OSBP2: variants seen among roughly 807,000 people sequenced by gnomAD.
OSBP2 encodes oxysterol-binding protein 2.
In OSBP2, 66 loss-of-function variants were observed where a neutral mutation model predicts 96.0. The ratio of observed to expected loss-of-function variants is 0.69; its 90% confidence interval spans 0.56 to 0.84. The LOEUF (loss-of-function observed/expected upper bound fraction) is 0.84, where lower values mean the gene tolerates loss of function less well. Among genes scored for constraint, OSBP2 ranks in the 40% least tolerant of loss-of-function variants. The probability of loss-of-function intolerance (pLI) is 0.00; values close to 1 mark genes in which losing one functional copy is unlikely to be tolerated. For synonymous variants in OSBP2, 525 were observed against 520.9 expected (o/e 1.01, Z -0.11); for missense variants, 1,038 against 1,222.7 (o/e 0.85, Z 2.25).
rs2039923562 is a variant in OSBP2, at chr22:30,890,558, G to A, written c.1624-170G>A. On this transcript the variant is annotated intron_variant, in intron 7 of 13. Transcript: ENST00000332585. This position sits in a 1 kb window ranked among gnomAD's most constrained non-coding sequence, Gnocchi z 4.4. ...GCTGTGGAGAAAACAGCCAGGAGGGGCCAGGGAGGTGATGGCTTGGGGGCC... is the reference window on the plus strand; with the variant it reads ...GCTGTGGAGAAAACAGCCAGGAGGGACCAGGGAGGTGATGGCTTGGGGGCC... 6.6e-6 allele frequency among the ~76,000 whole-genome samples: 1 copy of A among 152,204 alleles called. No individual in the cohort carries two copies. Among genetic ancestry groups the A allele is most frequent in the Non-Finnish European group, 1.5e-5 (1 of 68,038 alleles).
At chr22:30,807,705 C>T (rs1430024524) in intron 2 of OSBP2, among the ~76,000 whole-genome samples, 3 of 152,206 alleles carry the variant, frequency 2.0e-5, no homozygotes, top group East Asian at 3.9e-4. Context: ...ACCTTCCTTC[C>T]TCCCCTGAGC....
At chr22:30,712,114 CAG>C (rs1299491924) in intron 1 of OSBP2, among the ~76,000 whole-genome samples, 1 of 152,156 alleles carries the variant, frequency 6.6e-6, no homozygotes, top group Non-Finnish European at 1.5e-5. Flanking sequence ...TTGAGAAAGA[CAG>C]AGCGTGTCAG....
chr22:30,872,007 C>G (rs1360755646), intron 3 of OSBP2, among the ~76,000 whole-genome samples: 1 of 152,246 alleles, frequency 6.6e-6, no homozygotes, highest in African/African-American at 2.4e-5. Flanking sequence ...CTGGGAAACT[C>G]AGCCTGCAGG....
At chr22:30,732,452 C>T (rs1001632954) in intron 1 of OSBP2, among the ~76,000 whole-genome samples, 2 of 151,854 alleles carry the variant, frequency 1.3e-5, no homozygotes, top group African/African-American at 4.8e-5. Context: ...TAGAGTCACT[C>T]CCCTGGCAGT....
chr22:30,813,131 TA>T lies in OSBP2; in HGVS notation c.854-57297del, dbSNP rs1290113718. Among the ~76,000 whole-genome samples, 19 of 151,460 alleles carry T rather than the reference TA, an allele frequency of 1.3e-4. No homozygotes were observed. The East Asian group carries it at 3.5e-3, about 28-fold the overall frequency. On this transcript the variant is annotated intron_variant, in intron 2 of 13. Transcript: ENST00000332585. ...CCATCAGAGGCTTGTTTTTTAGTAG[TA>T]GGGGGAAAATGGAGCCTGGAGGCTT...
At chr22:30,758,793 G>A (rs888201632) in intron 2 of OSBP2, among the ~76,000 whole-genome samples, 3 of 152,078 alleles carry the variant, frequency 2.0e-5, no homozygotes, top group East Asian at 1.9e-4. Flanking sequence ...CTTAGCCCCC[G>A]ATATAGGTGT....
chr22:30,755,946 GTCGGCATGCTCTTGCA>G (rs1436132841), intron 2 of OSBP2, among the ~76,000 whole-genome samples: 3 of 152,140 alleles, frequency 2.0e-5, no homozygotes, highest in Admixed American at 1.3e-4. Context: ...TCGTTCCCTG[GTCGGCATGCTCTTGCA>G]TCTTCAGCTG....
At chr22:30,902,339 T>C in intron 12 of OSBP2, 1 of 1,587,836 alleles carries the variant, frequency 6.3e-7, no homozygotes, top group South Asian at 1.1e-5. Flanking sequence ...CACAGATAAA[T>C]TTAAAGGATT....
intron 2 of OSBP2, among the ~76,000 whole-genome samples, chr22:30,784,827 C>A (rs995149465): frequency 2.0e-5 from 3 of 150,088 alleles, no homozygotes; most frequent in Non-Finnish European, 4.4e-5. Flanking sequence ...GGCTGGAGTG[C>A]TGTGGCACAA....
intron 2 of OSBP2, among the ~76,000 whole-genome samples, chr22:30,745,653 T>G (rs2089990471): frequency 8.5e-6 from 1 of 117,130 alleles, no homozygotes; most frequent in Non-Finnish European, 1.6e-5. Context: ...GGCAACAGAG[T>G]GAGACTCTGT....
chr22:30,884,837 G>C (rs1445685649), intron 3 of OSBP2, among the ~76,000 whole-genome samples: 1 of 152,222 alleles, frequency 6.6e-6, no homozygotes, highest in Non-Finnish European at 1.5e-5. Flanking sequence ...GTGTCACTTG[G>C]CAGCAAATGT....
At chr22:30,740,458 C>T (rs139646631) in intron 1 of OSBP2, among the ~76,000 whole-genome samples, 4 of 152,314 alleles carry the variant, frequency 2.6e-5, no homozygotes, top group Non-Finnish European at 5.9e-5. Flanking sequence ...GCTAATGTTA[C>T]TCTAGTCCCT....
At chr22:30,899,551 T>C (rs2040150885) in intron 12 of OSBP2, among the ~76,000 whole-genome samples, 1 of 152,162 alleles carries the variant, frequency 6.6e-6, no homozygotes. Flanking sequence ...TCTCCCTATT[T>C]TTTCAGAAAC....
At chr22:30,746,681 G>A (rs564021816) in intron 2 of OSBP2, among the ~76,000 whole-genome samples, 23 of 151,722 alleles carry the variant, frequency 1.5e-4, no homozygotes, top group African/African-American at 5.1e-4. Context: ...TAGTAGAAAC[G>A]GAGTTTCACC....
intron 1 of OSBP2, among the ~76,000 whole-genome samples, chr22:30,705,144 T>C (rs1292351595): frequency 6.6e-6 from 1 of 152,186 alleles, no homozygotes; most frequent in Non-Finnish European, 1.5e-5. Context: ...TCTGTGGCTC[T>C]CCTGGCCCTG....
intron 2 of OSBP2, among the ~76,000 whole-genome samples, chr22:30,821,901 T>G (rs923398502): frequency 6.6e-6 from 1 of 152,258 alleles, no homozygotes; most frequent in African/African-American, 2.4e-5. Context: ...GTAATTAACT[T>G]TGCTAACTTA....
intron 7 of OSBP2, 69 bp downstream of exon 7, chr22:30,889,705 TAATGGCCTGTGTGAAGTA>T: frequency 6.9e-7 from 1 of 1,447,738 alleles, no homozygotes; most frequent in Non-Finnish European, 9.7e-7. Flanking sequence ...GGATGAGCAG[TAATGGCCTGTGTGAAGTA>T]CACACAGCCT....
At chr22:30,721,067 A>C (rs1370392431) in intron 1 of OSBP2, among the ~76,000 whole-genome samples, 2 of 152,320 alleles carry the variant, frequency 1.3e-5, no homozygotes, top group East Asian at 3.9e-4. Context: ...TCTACTAAAA[A>C]TACAAAAAAA....
At chr22:30,739,759 G>A (rs112341328) in intron 1 of OSBP2, among the ~76,000 whole-genome samples, 4 of 152,166 alleles carry the variant, frequency 2.6e-5, no homozygotes, top group African/African-American at 9.7e-5. Context: ...AGTCTGCTGT[G>A]CGGGAGATGG....
Sources: allele counts gnomAD v4.1 joint callset (sites outside exome capture counted in the v4.1 genomes callset), GRCh38; gene constraint gnomAD v4.1.1; non-coding constraint Gnocchi (gnomAD v3.1); transcripts MANE v1.5; gene names NCBI Gene and HGNC (gene_info 2026-07-23, HGNC 2026-07-21).